CLSPN: variants seen among roughly 807,000 people sequenced by gnomAD.
CLSPN encodes the protein claspin homolog.
In CLSPN, 85 loss-of-function variants were observed where a neutral mutation model predicts 156.3. That is an observed-to-expected ratio of 0.54 (90% CI 0.46 to 0.65). CLSPN has a LOEUF of 0.65. CLSPN is among the 30% of genes least tolerant of loss of function. The pLI is 0.00. For missense variants in CLSPN, 1,407 were observed against 1,554.9 expected (o/e 0.90, Z 1.60); for synonymous variants, 534 against 542.4 (o/e 0.98, Z 0.22).
chr1:35,738,541 C>T lies in CLSPN; in HGVS notation c.3472G>A (p.Asp1158Asn). The change falls in exon 21 of 25, where the codon GAT becomes AAT. Residue 1158 changes from aspartate (D) to asparagine (N), a missense_variant. Physicochemically the swap from Asp to Asn is conservative, Grantham distance 23. Coordinates refer to ENST00000318121, the MANE Select transcript of CLSPN (RefSeq NM_022111.4). The part of the protein sequence containing the change: ...QMDLFHRDSD[D>N]DQTEEQLDES... ...TCAAGCTGTTCTTCAGTCTGATCAT[C>T]ATCAGAGTCTCTGTGGAACAAGTCC... 6.2e-7 allele frequency: 1 copy of T among 1,613,186 alleles called. No homozygotes were observed. The highest frequency in any genetic ancestry group is 1.1e-5 in the South Asian group (1 of 91,058).
chr1:35,766,462 G>T lies in CLSPN; in HGVS notation c.25-1136C>A, dbSNP rs143908821. On this transcript the variant is annotated intron_variant, in intron 1 of 24. Transcript: ENST00000318121. ...GCTATGTGTATATTTCTTTTTTTTT[G>T]AGATGGAGTTTTGCCGTTGTCGCCC... Among the ~76,000 whole-genome samples, 508 of 149,212 alleles carry T rather than the reference G, an allele frequency of 3.4e-3. 24 individuals carry two copies. The East Asian group carries it at 0.088, about 26-fold the overall frequency.
At chr1:35,752,888 T>G (rs187753831) in intron 9 of CLSPN, among the ~76,000 whole-genome samples, 66 of 152,296 alleles carry the variant, frequency 4.3e-4, no homozygotes, top group African/African-American at 1.5e-3. Flanking sequence ...ATAAAAATAC[T>G]CCTATAAAGA....
rs757454704 is a variant in CLSPN, at chr1:35,746,694, G to A, written c.2854+72C>T. 2.4e-5 allele frequency: 26 copies of A among 1,063,324 alleles called. No homozygotes were observed. The highest frequency in any genetic ancestry group is 2.0e-4 in the Middle Eastern group (1 of 4,964). 65.9% of individuals were successfully genotyped at this position (1,063,324 alleles called of 1,614,324 possible). A position where few individuals can be genotyped will look rare whatever the true frequency, so the allele number is the denominator to read the frequency against. ...ATTACAGGCATGAGCCACCCCACCC[G>A]CCCAGGGAATTCTTTTCAAGGGCAC... On this transcript the variant is annotated intron_variant, in intron 15 of 24. Coordinates refer to ENST00000318121, the MANE Select transcript of CLSPN (RefSeq NM_022111.4). This position sits in a 1 kb window ranked among gnomAD's most constrained non-coding sequence, Gnocchi z 4.2.
chr1:35,754,562 G>A lies in CLSPN; in HGVS notation c.1580-626C>T, dbSNP rs556484962. 4.6e-5 allele frequency among the ~76,000 whole-genome samples: 7 copies of A among 152,228 alleles called. No individual in the cohort carries two copies. The South Asian group carries it at 1.5e-3, about 32-fold the overall frequency. On this transcript the variant is annotated intron_variant, in intron 8 of 24. Coordinates refer to ENST00000318121, the MANE Select transcript of CLSPN (RefSeq NM_022111.4). ...GGGTTTCACCATGTTAGCCAGGCTGGTCTCGAACTCCTGACCTCAAATGAT... is the reference window on the plus strand; with the variant it reads ...GGGTTTCACCATGTTAGCCAGGCTGATCTCGAACTCCTGACCTCAAATGAT...
At chr1:35,750,065 T>C (rs1197583790) in intron 10 of CLSPN, among the ~76,000 whole-genome samples, 2 of 152,156 alleles carry the variant, frequency 1.3e-5, no homozygotes, top group Non-Finnish European at 2.9e-5. Context: ...TGGATTATCA[T>C]TTTATTGAGG....
At chr1:35,738,637 T>C in intron 20 of CLSPN, 55 bp from the exon 21 acceptor site, 1 of 1,582,016 alleles carries the variant, frequency 6.3e-7, no homozygotes, top group Non-Finnish European at 8.6e-7. Flanking sequence ...GAGAGGGTGC[T>C]TGGACAGACA....
chr1:35,737,112 G>A lies in CLSPN; in HGVS notation c.3748-37C>T, dbSNP rs374015875. 12 of 1,599,488 alleles carry A rather than the reference G, an allele frequency of 7.5e-6. No homozygotes were observed. The African/African-American group carries it at 1.6e-4, about 22-fold the overall frequency. On this transcript the variant is annotated intron_variant, in intron 23 of 24. Transcript: ENST00000318121. Reference sequence around the variant, plus strand: ...AGAGTCATCTGGTATCAAATCCCAAGTGCCAACTAAAGAATGAAAAGTCCT... The same window carrying A: ...AGAGTCATCTGGTATCAAATCCCAAATGCCAACTAAAGAATGAAAAGTCCT...
At chr1:35,762,136 A>T in intron 5 of CLSPN, 66 bp from the exon 6 acceptor site, 1 of 1,229,972 alleles carries the variant, frequency 8.1e-7, no homozygotes, top group African/African-American at 1.5e-5. Context: ...GATATTCATC[A>T]CTCAAGAGTT....
intron 14 of CLSPN, 61 bp from the exon 15 acceptor site, chr1:35,747,053 T>C (rs575103328): frequency 2.3e-6 from 3 of 1,302,396 alleles, no homozygotes; most frequent in East Asian, 4.6e-5. Context: ...CCGGGTGCGG[T>C]AGCTCACGCC....
At chr1:35,744,103 G>T (rs140059435) in intron 16 of CLSPN, among the ~76,000 whole-genome samples, 78 of 152,218 alleles carry the variant, frequency 5.1e-4, no homozygotes, top group African/African-American at 1.8e-3. Flanking sequence ...TTTTCAGCTT[G>T]CAAAACTAAA....
intron 24 of CLSPN, among the ~76,000 whole-genome samples, chr1:35,723,886 G>GA (rs1209959284): frequency 6.6e-6 from 1 of 152,206 alleles, no homozygotes; most frequent in East Asian, 1.9e-4. Context: ...AGCTACTTGG[G>GA]AGGCTGAGGC....
At chr1:35,738,612 C>T (rs371834756) in intron 20 of CLSPN, 30 bp from the exon 21 acceptor site, 19 of 1,612,160 alleles carry the variant, frequency 1.2e-5, no homozygotes, top group Admixed American at 6.7e-5. Context: ...AATCAGCATT[C>T]GGCAGTCCTC....
chr1:35,749,606 T>G, intron 11 of CLSPN, 27 bp downstream of exon 11: 2 of 1,613,550 alleles, frequency 1.2e-6, no homozygotes, highest in Non-Finnish European at 1.7e-6. Flanking sequence ...AAGGCAATTT[T>G]AAGTTTTCTT....
chr1:35,735,830 T>C lies in CLSPN; in HGVS notation c.*666A>G, dbSNP rs1411169660. On this transcript the variant is annotated 3_prime_UTR_variant, in exon 25 of 25. Coordinates refer to ENST00000318121, the MANE Select transcript of CLSPN (RefSeq NM_022111.4). The stretch of plus-strand genomic sequence containing the variant: ...TAATCTGTAATGTCACACTTTTCCC[T>C]ACTCTTCCTCTTCCAACCACTTCTA... 2.0e-6 allele frequency: 2 copies of C among 985,262 alleles called. No homozygotes were observed. The highest frequency in any genetic ancestry group is 2.4e-6 in the Non-Finnish European group (2 of 829,930). The allele number at this position is 985,262 out of a possible 1,614,324, so 61.0% of individuals were successfully genotyped here.
At chr1:35,768,056 A>G (rs1642731778) in intron 1 of CLSPN, among the ~76,000 whole-genome samples, 1 of 152,206 alleles carries the variant, frequency 6.6e-6, no homozygotes. Context: ...ACAAGGCCTC[A>G]GCTGAGTGGT....
chr1:35,756,256 T>C (rs1642267849), intron 8 of CLSPN, among the ~76,000 whole-genome samples: 1 of 151,980 alleles, frequency 6.6e-6, no homozygotes, highest in Non-Finnish European at 1.5e-5. Flanking sequence ...AAGCAACAGG[T>C]GGTAGCAGGG....
rs776440730 is a variant in CLSPN, at chr1:35,762,043, C to T, written c.850G>A (p.Glu284Lys). The change falls in exon 6 of 25, where the codon GAA becomes AAA. Residue 284 changes from glutamate to lysine, a missense_variant. By Grantham distance (56) the Glu-to-Lys change is moderately conservative. Coordinates refer to ENST00000318121, the MANE Select transcript of CLSPN (RefSeq NM_022111.4). ...TCACTATGCAGTTGTTTTAATGCTT[C>T]TTTACTTAATCTGGCTGCCTTTCTT... ...KERKAARLSK[E>K]ALKQLHSETQ... The T allele has an allele frequency of 6.2e-7, 1 of 1,613,308 alleles. No individual in the cohort carries two copies. Among genetic ancestry groups the T allele is most frequent in the Non-Finnish European group, 8.5e-7 (1 of 1,179,370 alleles).
intron 22 of CLSPN, 97 bp downstream of exon 22, chr1:35,737,895 G>A: frequency 1.6e-6 from 1 of 609,588 alleles, no homozygotes; most frequent in Non-Finnish European, 2.7e-6. Context: ...ACAAGCTTAT[G>A]ATTAAGCTGC....
intron 22 of CLSPN, 82 bp downstream of exon 22, chr1:35,737,910 G>T: frequency 1.4e-6 from 1 of 702,940 alleles, no homozygotes; most frequent in Non-Finnish European, 2.3e-6. Context: ...AGCTGCAACA[G>T]CTCCTGAAGG....
Sources: gnomAD v4.1 joint callset for allele counts (sites outside exome capture counted in the v4.1 genomes callset) on GRCh38, gnomAD v4.1.1 for gene constraint, Gnocchi (gnomAD v3.1) non-coding constraint, MANE v1.5 for transcripts, NCBI Gene and HGNC (gene_info 2026-07-23, HGNC 2026-07-21) for gene names.